SORBS2: variants seen among roughly 807,000 people sequenced by gnomAD.
SORBS2 encodes sorbin and SH3 domain-containing protein 2.
In SORBS2, 46 loss-of-function variants were observed where a neutral mutation model predicts 97.7. The observed-to-expected ratio is 0.47, with a 90% CI of 0.37 to 0.60. SORBS2 has a LOEUF of 0.60. Ranked by LOEUF, SORBS2 falls within the 20% of genes least tolerant of loss-of-function variation. The pLI is 0.00. For synonymous variants in SORBS2, 476 were observed against 473.4 expected, an observed-to-expected ratio of 1.01 and a Z score of -0.07; for missense variants, 1,316 against 1,282.3, an observed-to-expected ratio of 1.03 and a Z score of -0.40.
At chr4:185,691,224 G>T (rs1001636710) in intron 2 of SORBS2, among the ~76,000 whole-genome samples, 8 of 143,770 alleles carry the variant, frequency 5.6e-5, no homozygotes, top group Non-Finnish European at 1.2e-4. Context: ...TTAGAGAGAG[G>T]GTTGTGCTCT....
At chr4:185,620,760 C>T (rs527512868) in intron 7 of SORBS2, among the ~76,000 whole-genome samples, 3 of 152,276 alleles carry the variant, frequency 2.0e-5, no homozygotes, top group Admixed American at 6.5e-5. Context: ...TATCTACGAC[C>T]TTCCTTTGTG....
At chr4:185,884,639 G>A (rs1225103936) in intron 1 of SORBS2, among the ~76,000 whole-genome samples, 2 of 152,130 alleles carry the variant, frequency 1.3e-5, no homozygotes, top group Non-Finnish European at 2.9e-5. Context: ...ATCTGAGCAG[G>A]CAGTTGACCA....
At position 185,797,172 on chromosome 4, in the gene SORBS2, G is replaced by A. The variant is rs564091128; in HGVS notation, c.-337-21806C>T. 3.3e-5 allele frequency among the ~76,000 whole-genome samples: 5 copies of A among 152,246 alleles called. No homozygotes were observed. The South Asian group carries it at 6.2e-4, about 19-fold the overall frequency. ...ACACTCGAGTAGAGCTGTCTGTGCC[G>A]AAGACTGTTTGGCAGACACTGTTTC... On this transcript the variant is annotated intron_variant, in intron 1 of 20. Coordinates refer to the SORBS2 transcript ENST00000284776.
At chr4:185,873,586 G>C (rs550074324) in intron 1 of SORBS2, among the ~76,000 whole-genome samples, 16 of 152,266 alleles carry the variant, frequency 1.1e-4, no homozygotes, top group African/African-American at 3.9e-4. Context: ...TTGCTGCTAA[G>C]AGCTGATCAA....
chr4:185,846,096 G>A (rs2099214377), intron 1 of SORBS2, among the ~76,000 whole-genome samples: 1 of 152,182 alleles, frequency 6.6e-6, no homozygotes, highest in African/African-American at 2.4e-5. Flanking sequence ...AAACCTGAAA[G>A]TGAATATTTA....
At chr4:185,636,648 A>AT (rs1228463050) in intron 4 of SORBS2, among the ~76,000 whole-genome samples, 6,262 of 133,922 alleles carry the variant, frequency 0.047, 223 homozygotes, top group Non-Finnish European at 0.06. Flanking sequence ...CCAGTTGACT[A>AT]TTTTTTTTTT....
intron 1 of SORBS2, among the ~76,000 whole-genome samples, chr4:185,783,404 G>A (rs1279719760): frequency 1.3e-5 from 2 of 152,228 alleles, no homozygotes; most frequent in East Asian, 3.8e-4. Flanking sequence ...AGGTGGCCAA[G>A]TGAGGCCTTG....
chr4:185,605,615 C>T (rs556403290), intron 12 of SORBS2, among the ~76,000 whole-genome samples: 10 of 151,446 alleles, frequency 6.6e-5, no homozygotes, highest in African/African-American at 2.4e-4. Context: ...GATGGAGTCT[C>T]GCTCTGTCAC....
chr4:185,677,490 G>A (rs1176302381), intron 4 of SORBS2: 1 of 1,551,820 alleles, frequency 6.4e-7, no homozygotes, highest in South Asian at 1.2e-5. Flanking sequence ...GGAATACATA[G>A]TTCCCTGAAG....
At chr4:185,819,354 A>G (rs2099195296) in intron 1 of SORBS2, among the ~76,000 whole-genome samples, 1 of 152,238 alleles carries the variant, frequency 6.6e-6, no homozygotes, top group South Asian at 2.1e-4. Flanking sequence ...GTTCCAGGCA[A>G]GAAGAGGAGA....
chr4:185,931,535 G>A (rs1253535245), intron 1 of SORBS2, among the ~76,000 whole-genome samples: 4 of 152,082 alleles, frequency 2.6e-5, no homozygotes, highest in South Asian at 2.1e-4. Flanking sequence ...CATCAAGGCC[G>A]GGGGTTATTA....
intron 1 of SORBS2, among the ~76,000 whole-genome samples, chr4:185,804,058 G>A (rs1443769880): frequency 3.9e-5 from 6 of 152,120 alleles, no homozygotes; most frequent in Admixed American, 6.6e-5. Flanking sequence ...TGTTTCCTCC[G>A]TTGAAAAAGT....
intron 1 of SORBS2, among the ~76,000 whole-genome samples, chr4:185,834,707 G>T (rs1434971124): frequency 6.6e-6 from 1 of 151,984 alleles, no homozygotes; most frequent in Non-Finnish European, 1.5e-5. Context: ...ACTCAAAAGT[G>T]ATTTTTAATT....
At chr4:185,710,717 G>T (rs994152135) in intron 2 of SORBS2, among the ~76,000 whole-genome samples, 1 of 152,324 alleles carries the variant, frequency 6.6e-6, no homozygotes, top group South Asian at 2.1e-4. Flanking sequence ...TTCAGAACTT[G>T]AGTGATGGAT....
chr4:185,645,632 T>G (rs922792828), intron 4 of SORBS2: 2 of 152,250 alleles, frequency 1.3e-5, no homozygotes, highest in African/African-American at 4.8e-5. Context: ...AGGGCTGGCC[T>G]TGGATTATAT....
At chr4:185,928,836 G>A (rs1020568286) in intron 1 of SORBS2, among the ~76,000 whole-genome samples, 8 of 152,228 alleles carry the variant, frequency 5.3e-5, no homozygotes, top group Middle Eastern at 3.4e-3. Context: ...GTGAGCCACC[G>A]CGCCTGGCCA....
At chr4:185,690,586 G>A (rs1403881194) in intron 2 of SORBS2, 4 of 1,511,210 alleles carry the variant, frequency 2.6e-6, no homozygotes, top group Admixed American at 2.0e-5. Context: ...ACCTTGGAGA[G>A]TTTGTTATTA....
At chr4:185,868,395 A>G (rs1293348677) in intron 1 of SORBS2, among the ~76,000 whole-genome samples, 1 of 151,382 alleles carries the variant, frequency 6.6e-6, no homozygotes, top group Admixed American at 6.6e-5. Flanking sequence ...TGATCTCGTG[A>G]TCCACCCACC....
chr4:185,712,996 C>T (rs896882360), intron 2 of SORBS2, among the ~76,000 whole-genome samples: 5 of 152,298 alleles, frequency 3.3e-5, no homozygotes, highest in South Asian at 4.1e-4. Flanking sequence ...ACATCACCTG[C>T]GTTCCACTGT....
Sources: allele counts gnomAD v4.1 joint callset (sites outside exome capture counted in the v4.1 genomes callset), GRCh38; gene constraint gnomAD v4.1.1; transcripts MANE v1.5; gene names NCBI Gene and HGNC (gene_info 2026-07-23, HGNC 2026-07-21).